Variants in SGMS1 observed in about 807,000 individuals in gnomAD.
The protein encoded by SGMS1 is sphingomyelin synthase 1.
In SGMS1, 13 loss-of-function variants were observed where a neutral mutation model predicts 46.2. The observed-to-expected ratio is 0.28, with a 90% confidence interval of 0.18 to 0.45. SGMS1 has a LOEUF of 0.45. Among genes scored for constraint, SGMS1 ranks in the 20% least tolerant of loss-of-function variants. The probability of loss-of-function intolerance (pLI) is 1.00; values close to 1 mark genes in which losing one functional copy is unlikely to be tolerated. For synonymous variants in SGMS1, 203 were observed against 187.8 expected (o/e 1.08, Z -0.66); for missense variants, 324 against 519.9 (o/e 0.62, Z 3.66).
At chr10:50,586,281 T>C (rs980675050) in intron 2 of SGMS1, among the ~76,000 whole-genome samples, 1 of 152,192 alleles carries the variant, frequency 6.6e-6, no homozygotes, top group African/African-American at 2.4e-5. Flanking sequence ...GCAGAGGATA[T>C]ACACTCACTC....
chr10:50,488,502 A>C (rs149712881), intron 3 of SGMS1, among the ~76,000 whole-genome samples: 4 of 152,344 alleles, frequency 2.6e-5, no homozygotes, highest in African/African-American at 9.6e-5. Flanking sequence ...TGAAGAAATT[A>C]ATATCGGGCT....
At chr10:50,378,099 A>G (rs1016929743) in intron 6 of SGMS1, among the ~76,000 whole-genome samples, 3 of 152,234 alleles carry the variant, frequency 2.0e-5, no homozygotes, top group African/African-American at 7.2e-5. Flanking sequence ...TGGATTTTTT[A>G]GGAGCCATAA....
intron 6 of SGMS1, among the ~76,000 whole-genome samples, chr10:50,384,986 T>C (rs751961723): frequency 6.6e-6 from 1 of 152,320 alleles, no homozygotes; most frequent in African/African-American, 2.4e-5. Context: ...TTATTTAGTG[T>C]CCCCTTAGTC....
At chr10:50,532,320 G>A (rs1210640269) in intron 2 of SGMS1, among the ~76,000 whole-genome samples, 1 of 150,752 alleles carries the variant, frequency 6.6e-6, no homozygotes, top group African/African-American at 2.4e-5. Context: ...CCCACCTTAT[G>A]CCCTGAGATG....
intron 5 of SGMS1, among the ~76,000 whole-genome samples, chr10:50,435,104 A>G (rs1217407138): frequency 6.6e-6 from 1 of 152,190 alleles, no homozygotes; most frequent in Non-Finnish European, 1.5e-5. Context: ...GGCTCTTTAC[A>G]TGAATGAGAA....
chr10:50,328,154 A>G, intron 7 of SGMS1: 1 of 286,330 alleles, frequency 3.5e-6, no homozygotes, highest in Middle Eastern at 4.3e-4. Flanking sequence ...ATTGAGTTAG[A>G]TAACGTCTCC....
intron 6 of SGMS1, among the ~76,000 whole-genome samples, chr10:50,367,948 G>A (rs1848374282): frequency 6.6e-6 from 1 of 152,160 alleles, no homozygotes. Context: ...TACCACCAGG[G>A]GGCAACGCAA....
intron 2 of SGMS1, among the ~76,000 whole-genome samples, chr10:50,571,569 A>G (rs1838336599): frequency 6.6e-6 from 1 of 152,156 alleles, no homozygotes; most frequent in Non-Finnish European, 1.5e-5. Context: ...TTACAGAATA[A>G]TATAGTAATA....
intron 6 of SGMS1, among the ~76,000 whole-genome samples, chr10:50,347,304 C>G (rs1847930986): frequency 6.6e-6 from 1 of 150,422 alleles, no homozygotes. Flanking sequence ...TAATGGAAAA[C>G]AAACCTGCTG....
intron 7 of SGMS1, 130 bp downstream of exon 7, chr10:50,343,362 G>T (rs1847851217): frequency 2.7e-6 from 3 of 1,096,946 alleles, no homozygotes; most frequent in Non-Finnish European, 3.7e-6. Context: ...CAGGGTATGT[G>T]TTTAAAAAAG....
intron 6 of SGMS1, among the ~76,000 whole-genome samples, chr10:50,406,219 G>A (rs1834950408): frequency 6.6e-6 from 1 of 152,140 alleles, no homozygotes; most frequent in African/African-American, 2.4e-5. Context: ...CCATTTGCTA[G>A]CTGACATGAT....
At chr10:50,417,307 T>C (rs75162163) in intron 6 of SGMS1, among the ~76,000 whole-genome samples, 9 of 152,164 alleles carry the variant, frequency 5.9e-5, no homozygotes, top group African/African-American at 1.9e-4. Context: ...TTAAAAGCGG[T>C]AACTCAATTG....
intron 3 of SGMS1, among the ~76,000 whole-genome samples, chr10:50,505,596 TCAA>T (rs1837699721): frequency 6.6e-6 from 1 of 152,192 alleles, no homozygotes; most frequent in African/African-American, 2.4e-5. Context: ...CATGATTCTT[TCAA>T]CAAGTACTTA....
intron 5 of SGMS1, among the ~76,000 whole-genome samples, chr10:50,448,502 T>C (rs1419123027): frequency 7.9e-5 from 12 of 152,010 alleles, no homozygotes; most frequent in Non-Finnish European, 2.9e-5. Flanking sequence ...CCCAGCACTT[T>C]GGGAGGCTGA....
intron 1 of SGMS1, among the ~76,000 whole-genome samples, chr10:50,613,949 C>CAA (rs1486635076): frequency 6.6e-6 from 1 of 152,142 alleles, no homozygotes; most frequent in African/African-American, 2.4e-5. Flanking sequence ...GAAAGCTGTA[C>CAA]AAAGCTCTTT....
intron 6 of SGMS1, among the ~76,000 whole-genome samples, chr10:50,358,942 C>A (rs1306700174): frequency 6.6e-6 from 1 of 152,236 alleles, no homozygotes; most frequent in African/African-American, 2.4e-5. Context: ...AGGACCTACA[C>A]ATTTATTTCA....
At chr10:50,592,812 T>C (rs1775789791) in intron 1 of SGMS1, among the ~76,000 whole-genome samples, 1 of 152,142 alleles carries the variant, frequency 6.6e-6, no homozygotes, top group Non-Finnish European at 1.5e-5. Flanking sequence ...GCACTATTAC[T>C]AAAGAAAAAT....
intron 6 of SGMS1, among the ~76,000 whole-genome samples, chr10:50,362,543 A>C (rs554568978): frequency 6.6e-6 from 1 of 152,354 alleles, no homozygotes; most frequent in Admixed American, 6.5e-5. Flanking sequence ...AATATAAAAG[A>C]AAAATAAATA....
chr10:50,548,402 G>C (rs191242549), intron 2 of SGMS1, among the ~76,000 whole-genome samples: 13 of 152,106 alleles, frequency 8.5e-5, no homozygotes, highest in Admixed American at 3.3e-4. Context: ...TCAGAAATAA[G>C]AGTACACATC....
Sources: gnomAD v4.1 joint callset for allele counts (sites outside exome capture counted in the v4.1 genomes callset) on GRCh38, gnomAD v4.1.1 for gene constraint, MANE v1.5 for transcripts, NCBI Gene and HGNC (gene_info 2026-07-23, HGNC 2026-07-21) for gene names.